PCDHA9: variants seen among roughly 807,000 people sequenced by gnomAD.
PCDHA9 encodes the protein protocadherin alpha 9, also known as protocadherin alpha-9.
PCDHA9 carries 62 observed loss-of-function variants against 62.0 expected under a neutral mutation model. The ratio of observed to expected loss-of-function variants is 1.00; its 90% confidence interval spans 0.81 to 1.23. The LOEUF is 1.23. Among genes scored for constraint, PCDHA9 ranks in the 50% most tolerant of loss-of-function variants. The probability of loss-of-function intolerance (pLI) is 0.00; values close to 1 mark genes in which losing one functional copy is unlikely to be tolerated. For synonymous variants in PCDHA9, 557 were observed against 567.6 expected, an observed-to-expected ratio of 0.98 and a Z score of 0.27; for missense variants, 1,205 against 1,249.8, an observed-to-expected ratio of 0.96 and a Z score of 0.54.
At chr5:140,938,535 T>C (rs1213072173) in intron 1 of PCDHA9, among the ~76,000 whole-genome samples, 2 of 140,516 alleles carry the variant, frequency 1.4e-5, no homozygotes, top group African/African-American at 2.6e-5. Flanking sequence ...ATGGATAATA[T>C]GGATTTTTAT....
chr5:140,900,276 A>G (rs1228583402), intron 1 of PCDHA9, among the ~76,000 whole-genome samples: 1 of 151,558 alleles, frequency 6.6e-6, no homozygotes, highest in Non-Finnish European at 1.5e-5. Context: ...TATATGTACC[A>G]CACTTTCTTT....
chr5:140,987,263 G>C (rs1034230893), intron 3 of PCDHA9, among the ~76,000 whole-genome samples: 14 of 151,908 alleles, frequency 9.2e-5, no homozygotes, highest in Non-Finnish European at 1.8e-4. Context: ...CTCAGGAATG[G>C]GACCCGGCAG....
chr5:140,911,885 A>T (rs1242639819), intron 1 of PCDHA9, among the ~76,000 whole-genome samples: 1 of 152,216 alleles, frequency 6.6e-6, no homozygotes, highest in Non-Finnish European at 1.5e-5. Flanking sequence ...TCCTGGGACC[A>T]AAATCTGTAT....
intron 1 of PCDHA9, chr5:140,929,130 A>C (rs1554206719): frequency 1.2e-6 from 2 of 1,614,168 alleles, no homozygotes; most frequent in Non-Finnish European, 1.7e-6. Flanking sequence ...ATGTCACTAC[A>C]GTTGAGAGAC....
At chr5:140,869,325 T>C in intron 1 of PCDHA9, 2 of 1,613,866 alleles carry the variant, frequency 1.2e-6, no homozygotes, top group Non-Finnish European at 1.7e-6. Flanking sequence ...ATGGGGACCT[T>C]CTGGAGGTAA....
At chr5:140,858,446 T>C in intron 1 of PCDHA9, 1 of 1,533,674 alleles carries the variant, frequency 6.5e-7, no homozygotes, top group Non-Finnish European at 8.9e-7. Context: ...GGTGGGTTAT[T>C]ACGTTTTCAT....
In PCDHA9 at chr5:140,852,980, G is replaced by A. The variant is rs2150526808; in HGVS notation, c.2394+2091G>A. The A allele has an allele frequency of 1.0e-4, 36 of 347,518 alleles. 1 individual carries two copies. The highest frequency in any genetic ancestry group is 1.4e-4 in the Non-Finnish European group (33 of 236,394). 21.5% of individuals were successfully genotyped at this position (347,518 alleles called of 1,614,324 possible). A position where few individuals can be genotyped will look rare whatever the true frequency, so the allele number is the denominator to read the frequency against. The stretch of plus-strand genomic sequence containing the variant: ...TCCAAGCTCCCCCTCCCGTGTTCAC[G>A]CCATTCTCCTGCCTCAGCCTCCCGA... On this transcript the variant is annotated intron_variant, in intron 1 of 3. Transcript: ENST00000532602.
intron 1 of PCDHA9, chr5:140,858,108 C>A (rs781859966): frequency 3.1e-6 from 5 of 1,597,590 alleles, no homozygotes; most frequent in Non-Finnish European, 4.3e-6. Context: ...GGCGTGGCGC[C>A]CGAGGTGGCC....
rs782623559 is a variant in PCDHA9 at position 141,009,752 on chromosome 5, A to G, written c.2668A>G (p.Ile890Val). The G allele has an allele frequency of 3.1e-6, 5 of 1,614,086 alleles. No homozygotes were observed. Among genetic ancestry groups the G allele is most frequent in the East Asian group, 4.5e-5 (2 of 44,882 alleles). The change falls in exon 4 of 4, where the codon ATC becomes GTC. Residue 890 changes from isoleucine (I) to valine (V), a missense_variant. Physicochemically the swap from Ile to Val is conservative, Grantham distance 29. Around this residue, in one of 3 missense-constraint regions of PCDHA9, gnomAD observed 887 missense variants for 809.5 expected, o/e 1.10. Transcript: ENST00000532602. ...CGGTGAGTTGCCCGACAAATTCATT[A>G]TCCCAGGATCTCCTGCAATCATCTC... ...GPGELPDKFIIPGSPAIISIR... is the reference protein window; with the variant it reads ...GPGELPDKFIVPGSPAIISIR...
At position 140,928,807 on chromosome 5, in the gene PCDHA9, C is replaced by T. The variant is rs782261335; in HGVS notation, c.2395-50142C>T. 6.2e-6 allele frequency: 10 copies of T among 1,614,094 alleles called. No homozygotes were observed. Among genetic ancestry groups the T allele is most frequent in the Non-Finnish European group, 8.5e-6 (10 of 1,180,020 alleles). On this transcript the variant is annotated intron_variant, in intron 1 of 3. Coordinates refer to ENST00000532602, the MANE Select transcript of PCDHA9 (RefSeq NM_031857.2). ...TAAGCAGAGGGTGGTGGTAGTGGTT[C>T]GGGACCATGGAGACCCACCACTTTC...
intron 1 of PCDHA9, chr5:140,859,027 C>T (rs1486669007): frequency 6.6e-6 from 1 of 150,752 alleles, no homozygotes; most frequent in Non-Finnish European, 1.5e-5. Context: ...AAGTTAAATG[C>T]TTTGAACTTT....
chr5:140,964,785 C>G (rs890090665), intron 1 of PCDHA9, among the ~76,000 whole-genome samples: 40 of 151,526 alleles, frequency 2.6e-4, no homozygotes, highest in African/African-American at 9.7e-4. Context: ...GAGGAAGAAG[C>G]CAGAGACCCA....
Position 141,010,230 on chromosome 5 carries a change from C to T in PCDHA9, c.*293C>T. The T allele has an allele frequency of 1.3e-6, 2 of 1,551,936 alleles. No homozygotes were observed. Among genetic ancestry groups the T allele is most frequent in the African/African-American group, 1.4e-5 (1 of 73,162 alleles). Reference sequence around the variant, plus strand: ...GCAAAGGAGAGGCTTCCCAGCCCCGCCAGTGAGAGGTTGGACTCTCTGCCC... The same window carrying T: ...GCAAAGGAGAGGCTTCCCAGCCCCGTCAGTGAGAGGTTGGACTCTCTGCCC... On this transcript the variant is annotated 3_prime_UTR_variant, in exon 4 of 4. Transcript: ENST00000532602.
chr5:140,951,252 A>G (rs568359458), intron 1 of PCDHA9, among the ~76,000 whole-genome samples: 1 of 151,856 alleles, frequency 6.6e-6, no homozygotes, highest in African/African-American at 2.4e-5. Context: ...AATGCATCAC[A>G]TTTTTCTGGT....
At chr5:140,937,323 C>T (rs1350536354) in intron 1 of PCDHA9, among the ~76,000 whole-genome samples, 3 of 152,120 alleles carry the variant, frequency 2.0e-5, no homozygotes, top group African/African-American at 7.2e-5. Flanking sequence ...AGGCGTGAGC[C>T]ACCGCGCCCG....
intron 1 of PCDHA9, among the ~76,000 whole-genome samples, chr5:140,958,932 C>T (rs2095452700): frequency 8.5e-6 from 1 of 118,160 alleles, no homozygotes; most frequent in South Asian, 2.5e-4. Flanking sequence ...GTGGCTCATA[C>T]TTGTAATAAT....
At chr5:140,876,714 CCGCGAGAG>C in intron 1 of PCDHA9, 1 of 1,614,230 alleles carries the variant, frequency 6.2e-7, no homozygotes, top group East Asian at 2.2e-5. Context: ...GCGCCCTGGA[CCGCGAGAG>C]CGTGTCGGCC....
At chr5:140,875,874 A>C in intron 1 of PCDHA9, 1 of 1,614,188 alleles carries the variant, frequency 6.2e-7, no homozygotes, top group Non-Finnish European at 8.5e-7. Flanking sequence ...CGGTGTTCAG[A>C]GAAAGGGAAC....
intron 1 of PCDHA9, chr5:140,870,896 C>A (rs946837071): frequency 4.3e-6 from 7 of 1,613,822 alleles, no homozygotes; most frequent in Non-Finnish European, 5.9e-6. Context: ...GCAGTGGATG[C>A]GGACTCAGGC....
Sources: gnomAD v4.1 joint callset for allele counts (sites outside exome capture counted in the v4.1 genomes callset) on GRCh38, gnomAD v4.1.1 for gene constraint, gnomAD v4.1.1 regional missense constraint, MANE v1.5 for transcripts, NCBI Gene and HGNC (gene_info 2026-07-23, HGNC 2026-07-21) for gene names.